PPAT: variants seen among roughly 807,000 people sequenced by gnomAD.
The protein encoded by PPAT is amidophosphoribosyltransferase.
PPAT carries 20 observed loss-of-function variants against 60.2 expected under a neutral mutation model. The observed-to-expected ratio is 0.33, with a 90% confidence interval of 0.23 to 0.48. The LOEUF is 0.48. PPAT is among the 20% of genes least tolerant of loss of function. PPAT has a pLI of 0.99. For synonymous variants in PPAT, 194 were observed against 215.1 expected, an observed-to-expected ratio of 0.90 and a Z score of 0.86; for missense variants, 349 against 629.6, an observed-to-expected ratio of 0.55 and a Z score of 4.77.
At position 56,406,495 on chromosome 4, in the gene PPAT, C is replaced by T. The variant is rs767891813; in HGVS notation, c.402G>A (p.Lys134=). Reference sequence around the variant, plus strand: ...AGGGAAAACAAACAAACAAACGTACCTTTTTCCTTAATCGAGCAGCATTTA... The same window carrying T: ...AGGGAAAACAAACAAACAAACGTACTTTTTTCCTTAATCGAGCAGCATTTA... ...ELVNAARLRK[K]LLRHGIGLST... Residue 134 remains lysine, a splice_region_variant and synonymous_variant, in exon 3 of 11, where the codon AAG becomes AAA. Coordinates refer to ENST00000264220, the MANE Select transcript of PPAT (RefSeq NM_002703.5). 1.2e-6 allele frequency: 2 copies of T among 1,609,994 alleles called. No individual in the cohort carries two copies. The highest frequency in any genetic ancestry group is 1.3e-5 in the African/African-American group (1 of 74,760).
At chr4:56,398,885 T>C (rs562076980) in intron 9 of PPAT, among the ~76,000 whole-genome samples, 1 of 152,274 alleles carries the variant, frequency 6.6e-6, no homozygotes, top group South Asian at 2.1e-4. Flanking sequence ...ACTCCTGGGC[T>C]CAAGCAACCT....
chr4:56,396,095 A>G lies in PPAT; in HGVS notation c.1357+524T>C, dbSNP rs901036831. On this transcript the variant is annotated intron_variant, in intron 10 of 10. Transcript: ENST00000264220. The surrounding 1 kb of genome is among the most constrained non-coding windows in gnomAD (Gnocchi z 4.6). ...TGACAGGTTAAAAGAAACACCAGCC[A>G]CAAACAGATGGTGTGGAGGTACCAA... Among the ~76,000 whole-genome samples the G allele has an allele frequency of 1.3e-5, 2 of 152,230 alleles. No homozygotes were observed. Among genetic ancestry groups the G allele is most frequent in the African/African-American group, 2.4e-5 (1 of 41,468 alleles).
intron 1 of PPAT, among the ~76,000 whole-genome samples, chr4:56,409,352 G>A (rs1716347355): frequency 1.3e-5 from 2 of 152,164 alleles, no homozygotes; most frequent in Non-Finnish European, 2.9e-5. Flanking sequence ...GTATGTAGAT[G>A]TAAATTAAAA....
intron 3 of PPAT, 44 bp from the exon 4 acceptor site, chr4:56,403,445 C>T: frequency 7.0e-7 from 1 of 1,419,668 alleles, no homozygotes; most frequent in South Asian, 1.2e-5. Flanking sequence ...AGGGGAAGCT[C>T]CACCCCACCC....
chr4:56,411,615 T>A (rs1304070423), intron 1 of PPAT, among the ~76,000 whole-genome samples: 1 of 152,198 alleles, frequency 6.6e-6, no homozygotes, highest in East Asian at 1.9e-4. Flanking sequence ...TAATGAGATG[T>A]CTACCATAGT....
At chr4:56,420,877 A>G (rs1174285745) in intron 1 of PPAT, 1 of 152,188 alleles carries the variant, frequency 6.6e-6, no homozygotes, top group Non-Finnish European at 1.5e-5. Flanking sequence ...AATAAACTGA[A>G]TGAGTTCTAG....
intron 1 of PPAT, among the ~76,000 whole-genome samples, chr4:56,435,037 C>A (rs1303344422): frequency 6.6e-6 from 1 of 152,174 alleles, no homozygotes; most frequent in South Asian, 2.1e-4. Flanking sequence ...CCTGACCCAG[C>A]TAGACCAAGC....
intron 7 of PPAT, 69 bp downstream of exon 7, chr4:56,401,261 G>A: frequency 7.1e-7 from 1 of 1,403,328 alleles, no homozygotes; most frequent in South Asian, 1.4e-5. Flanking sequence ...TTTGAGGCAA[G>A]AATTGCCATG....
chr4:56,411,668 A>C (rs1716470231), intron 1 of PPAT, among the ~76,000 whole-genome samples: 1 of 152,222 alleles, frequency 6.6e-6, no homozygotes, highest in Non-Finnish European at 1.5e-5. Flanking sequence ...ATTATTCAAA[A>C]ATCTGTAATA....
intron 1 of PPAT, chr4:56,416,237 C>T (rs1345036160): frequency 6.5e-6 from 1 of 153,314 alleles, no homozygotes; most frequent in African/African-American, 2.4e-5. Flanking sequence ...TATTATACAA[C>T]TTTATTACAA....
At position 56,434,618 on chromosome 4, in the gene PPAT, C is replaced by T. The variant is rs1480575347; in HGVS notation, c.128+732G>A. Among the ~76,000 whole-genome samples the T allele has an allele frequency of 2.6e-5, 4 of 152,146 alleles. No homozygotes were observed. In the South Asian group the frequency reaches 6.2e-4, roughly 24 times the overall value. ...ATAGAGACACTACTCCCCTGTCCCC[C>T]TTTTGAAGAAGGGAGTTAATTTTTG... On this transcript the variant is annotated intron_variant, in intron 1 of 10. Transcript: ENST00000264220.
chr4:56,417,907 C>T (rs1439344516), intron 1 of PPAT, among the ~76,000 whole-genome samples: 7 of 145,716 alleles, frequency 4.8e-5, no homozygotes, highest in Non-Finnish European at 8.9e-5. Flanking sequence ...GTGGTGCAAT[C>T]TCGGCTCACT....
At chr4:56,395,641 A>C in intron 10 of PPAT, 93 bp from the exon 11 acceptor site, 2 of 913,986 alleles carry the variant, frequency 2.2e-6, no homozygotes, top group Non-Finnish European at 3.0e-6. Flanking sequence ...AGAATAATTT[A>C]AGCTAGGATA....
intron 1 of PPAT, among the ~76,000 whole-genome samples, chr4:56,417,834 G>T (rs1443184610): frequency 2.7e-5 from 3 of 111,160 alleles, no homozygotes; most frequent in African/African-American, 3.5e-5. Flanking sequence ...TTGAAGATTT[G>T]GTTTTTTGTT....
At chr4:56,428,126 CAT>C (rs1461414239) in intron 1 of PPAT, among the ~76,000 whole-genome samples, 1 of 152,162 alleles carries the variant, frequency 6.6e-6, no homozygotes, top group East Asian at 1.9e-4. Flanking sequence ...TCTTTTGACT[CAT>C]ATTGAAGTTA....
intron 1 of PPAT, chr4:56,422,482 C>CGTGTGTGTGTGT (rs71194105): frequency 1.9e-4 from 27 of 138,564 alleles, no homozygotes; most frequent in African/African-American, 7.3e-4. Flanking sequence ...TTTTTTTGTA[C>CGTGTGTGTGTGT]GTGTGTGTGT....
At chr4:56,414,418 C>T (rs1033026187) in intron 1 of PPAT, 4 of 152,240 alleles carry the variant, frequency 2.6e-5, no homozygotes, top group African/African-American at 4.8e-5. Flanking sequence ...TCATCTTCTG[C>T]TAAATCTCAT....
chr4:56,404,463 A>G (rs991359901), intron 3 of PPAT, among the ~76,000 whole-genome samples: 1 of 152,222 alleles, frequency 6.6e-6, no homozygotes, highest in Non-Finnish European at 1.5e-5. Flanking sequence ...GATAATTACA[A>G]AGTTCTGAGC....
chr4:56,422,898 C>A (rs942563091), intron 1 of PPAT: 9 of 152,156 alleles, frequency 5.9e-5, no homozygotes, highest in East Asian at 1.9e-4. Flanking sequence ...AATGCAAATT[C>A]TTGGGCCCCA....
Sources: gnomAD v4.1 joint callset for allele counts (sites outside exome capture counted in the v4.1 genomes callset) on GRCh38, gnomAD v4.1.1 for gene constraint, Gnocchi (gnomAD v3.1) non-coding constraint, MANE v1.5 for transcripts, NCBI Gene and HGNC (gene_info 2026-07-23, HGNC 2026-07-21) for gene names.